Variants in FIBP observed in about 807,000 individuals in gnomAD.
FIBP encodes FGF1 intracellular binding protein.
Under a neutral mutation model 40.5 loss-of-function variants are expected in FIBP, and 29 were observed. The observed-to-expected ratio is 0.72, with a 90% CI of 0.53 to 0.98. FIBP has a LOEUF of 0.98. Among genes scored for constraint, FIBP ranks in the 50% least tolerant of loss-of-function variants. The pLI, the probability that FIBP is intolerant of heterozygous loss-of-function variation, is 0.00. For synonymous variants in FIBP, 215 were observed against 191.1 expected (o/e 1.13, Z -1.03); for missense variants, 411 against 470.2 (o/e 0.87, Z 1.16).
intron 4 of FIBP, chr11:65,886,053 C>A: frequency 2.1e-6 from 1 of 465,484 alleles, no homozygotes; most frequent in South Asian, 2.6e-5. Flanking sequence ...GCCTGTAATC[C>A]CAGCTACTCG....
intron 7 of FIBP, 76 bp downstream of exon 7, chr11:65,884,859 G>C (rs1476640106): frequency 5.8e-6 from 9 of 1,557,296 alleles, no homozygotes; most frequent in Non-Finnish European, 8.0e-6. Flanking sequence ...CCCTGGCAGG[G>C]GCAGAGCTGC....
chr11:65,886,631 C>T (rs1470006308), intron 3 of FIBP: 1 of 525,358 alleles, frequency 1.9e-6, no homozygotes, highest in East Asian at 3.1e-5. Context: ...CTGTATCTTG[C>T]CTTGGATAAA....
chr11:65,887,885 G>A lies in FIBP; in HGVS notation c.284+49C>T, dbSNP rs201315935. The A allele has an allele frequency of 3.6e-3, 5,783 of 1,597,688 alleles. 17 individuals are homozygous for A. The highest frequency in any genetic ancestry group is 4.4e-3 in the Non-Finnish European group (5,121 of 1,168,266). ...GGGCCTGTTTCAGCCGGCAAAATGG[G>A]TATACAGTCAGACTGGTTGATGTCT... On this transcript the variant is annotated intron_variant, in intron 2 of 9. Transcript: ENST00000357519.
intron 3 of FIBP, 147 bp downstream of exon 3, chr11:65,887,446 GAAAAAAA>G: frequency 1.6e-6 from 1 of 636,564 alleles, no homozygotes; most frequent in Non-Finnish European, 2.6e-6. Flanking sequence ...ACTCCATCTC[GAAAAAAA>G]AAAAAAAAAA....
At chr11:65,886,533 A>C (rs759818545) in intron 3 of FIBP, 111 bp from the exon 4 acceptor site, 39 of 719,854 alleles carry the variant, frequency 5.4e-5, no homozygotes, top group Non-Finnish European at 9.4e-5. Context: ...CTATCCAGTC[A>C]GCAGATGCTG....
In FIBP at chr11:65,885,594, C is replaced by G; in HGVS notation, c.582G>C (p.Leu194=). ...FETGKKKLQY[L]SFGDFAFCAE... is the part of the protein sequence containing the mutation. ...CGCAGAAGGCAAAGTCACCGAAGCTCAGATACTGCAGTTTTTTCTTCCCTG... is the reference window on the plus strand; with the variant it reads ...CGCAGAAGGCAAAGTCACCGAAGCTGAGATACTGCAGTTTTTTCTTCCCTG... The change falls in exon 5 of 10, where the codon CTG becomes CTC. Residue 194 remains leucine, a synonymous_variant. Coordinates refer to ENST00000357519, the MANE Select transcript of FIBP (RefSeq NM_004214.5). 6.2e-7 allele frequency: 1 copy of G among 1,614,196 alleles called. No individual in the cohort carries two copies. The highest frequency in any genetic ancestry group is 8.5e-7 in the Non-Finnish European group (1 of 1,180,012).
intron 4 of FIBP, 125 bp from the exon 5 acceptor site, chr11:65,885,788 T>C: frequency 2.1e-6 from 2 of 959,056 alleles, no homozygotes; most frequent in Middle Eastern, 2.7e-4. Context: ...CTGTGTGACG[T>C]GTCTCAAGTC....
chr11:65,885,210 G>T, intron 5 of FIBP, 24 bp from the exon 6 acceptor site: 1 of 1,350,338 alleles, frequency 7.4e-7, no homozygotes, highest in South Asian at 1.2e-5. Context: ...AAGGGGGTGG[G>T]GGTGGGTGAT....
At position 65,885,567 on chromosome 11, in the gene FIBP, A is replaced by G. The variant is rs775998701; in HGVS notation, c.609T>C (p.Ala203=). Residue 203 remains alanine (A), a synonymous_variant, in exon 5 of 10, where the codon GCT becomes GCC. Coordinates refer to ENST00000357519, the MANE Select transcript of FIBP (RefSeq NM_004214.5). ...GGGTCCAGTTTTGGATCATGAGCTC[A>G]GCGCAGAAGGCAAAGTCACCGAAGC... ...YLSFGDFAFC[A]ELMIQNWTLG... The G allele has an allele frequency of 1.2e-6, 2 of 1,614,216 alleles. No homozygotes were observed. Among genetic ancestry groups the G allele is most frequent in the East Asian group, 2.2e-5 (1 of 44,890 alleles).
In FIBP at chr11:65,884,039, G is replaced by C; in HGVS notation, c.1009C>G (p.Gln337Glu). The change falls in exon 10 of 10, where the codon CAG (glutamine) becomes GAG (glutamate). Residue 337 changes from glutamine to glutamate, a missense_variant. Gln to Glu is a conservative substitution (Grantham distance 29). Transcript: ENST00000357519. ...SVHSLDGFRH[Q>E]ALWDRYMGTL... Reference sequence around the variant, plus strand: ...CCCATGTAGCGGTCCCAGAGGGCCTGGTGTCTGTAAGAACATGAACAGTGA... The same window carrying C: ...CCCATGTAGCGGTCCCAGAGGGCCTCGTGTCTGTAAGAACATGAACAGTGA... The C allele has an allele frequency of 6.2e-7, 1 of 1,613,264 alleles. No homozygotes were observed. The highest frequency in any genetic ancestry group is 8.5e-7 in the Non-Finnish European group (1 of 1,179,624).
At position 65,888,438 on chromosome 11, in the gene FIBP, G is replaced by T; in HGVS notation, c.-20C>A. 1 of 1,549,716 alleles carries T rather than the reference G, an allele frequency of 6.5e-7. No individual in the cohort carries two copies. Among genetic ancestry groups the T allele is most frequent in the Non-Finnish European group, 8.7e-7 (1 of 1,144,960 alleles). Reference sequence around the variant, plus strand: ...GGTCATGGCGACGCCCGGGGCCGCAGCGCCCCGAGCAGGAGCGAGCACTGC... The same window carrying T: ...GGTCATGGCGACGCCCGGGGCCGCATCGCCCCGAGCAGGAGCGAGCACTGC... On this transcript the variant is annotated 5_prime_UTR_variant, in exon 1 of 10. In the 5' UTR this introduces an upstream ATG that the reference lacks. Transcript: ENST00000357519.
Position 65,887,697 on chromosome 11 carries a change from C to T in FIBP, c.314G>A (p.Arg105Gln), listed in dbSNP as rs867031814. The T allele has an allele frequency of 6.2e-7, 1 of 1,614,138 alleles. No individual in the cohort carries two copies. Among genetic ancestry groups the T allele is most frequent in the Non-Finnish European group, 8.5e-7 (1 of 1,180,038 alleles). ...RYYAFDEAFVREVLGKKLSKG... is the reference protein window; with the variant it reads ...RYYAFDEAFVQEVLGKKLSKG... ...GGACAGCTTCTTGCCCAGCACCTCC[C>T]GAACAAAGGCCTCATCAAAGGCATA... Residue 105 changes from arginine to glutamine, a missense_variant, in exon 3 of 10, where the codon CGG (arginine) becomes CAG (glutamine). Arg to Gln is a conservative substitution (Grantham distance 43). Transcript: ENST00000357519.
Position 65,884,050 on chromosome 11 carries a change from G to A in FIBP, c.1005-7C>T, listed in dbSNP as rs1287139217. On this transcript the variant is annotated splice_region_variant and splice_polypyrimidine_tract_variant and intron_variant, in intron 9 of 9. Coordinates refer to ENST00000357519, the MANE Select transcript of FIBP (RefSeq NM_004214.5). ...GTCCCAGAGGGCCTGGTGTCTGTAA[G>A]AACATGAACAGTGACAGCTGAGTTT... 2.5e-6 allele frequency: 4 copies of A among 1,611,986 alleles called. No homozygotes were observed. In the African/African-American group the frequency reaches 4.0e-5, roughly 16 times the overall value.
Position 65,884,030 on chromosome 11 carries a change from A to T in FIBP, c.1018T>A (p.Trp340Arg). ...CGGAGGGTGCCCATGTAGCGGTCCC[A>T]GAGGGCCTGGTGTCTGTAAGAACAT... ...SLDGFRHQAL[W>R]DRYMGTLRGC... Residue 340 changes from tryptophan to arginine, a missense_variant, in exon 10 of 10, where the codon TGG becomes AGG. Trp to Arg is a moderately radical substitution (Grantham distance 101, BLOSUM62 -3). Coordinates refer to ENST00000357519, the MANE Select transcript of FIBP (RefSeq NM_004214.5). 1 of 1,613,756 alleles carries T rather than the reference A, an allele frequency of 6.2e-7. No individual in the cohort carries two copies. The highest frequency in any genetic ancestry group is 1.1e-5 in the South Asian group (1 of 90,914).
At position 65,884,403 on chromosome 11, in the gene FIBP, G is replaced by A. The variant is rs116618583; in HGVS notation, c.993C>T (p.Leu331=). The A allele has an allele frequency of 2.2e-5, 35 of 1,613,966 alleles. No homozygotes were observed. The highest frequency in any genetic ancestry group is 4.0e-5 in the African/African-American group (3 of 75,014). ...ACAGGGCTGCTCACCGGAAGCCATCGAGGGAGTGGACAGACGCTGAATACT... is the reference window on the plus strand; with the variant it reads ...ACAGGGCTGCTCACCGGAAGCCATCAAGGGAGTGGACAGACGCTGAATACT... ...LNQYSASVHS[L]DGFRHQALWD... The change falls in exon 9 of 10, where the codon CTC becomes CTT. Residue 331 remains leucine, a synonymous_variant. Transcript: ENST00000357519.
chr11:65,887,544 A>C, intron 3 of FIBP, 56 bp downstream of exon 3: 1 of 1,602,394 alleles, frequency 6.2e-7, no homozygotes, highest in Non-Finnish European at 8.5e-7. Context: ...CCAGTGGCCA[A>C]AGGGAGGGAG....
intron 7 of FIBP, 135 bp from the exon 8 acceptor site, chr11:65,884,791 A>G (rs975058055): frequency 1.4e-5 from 19 of 1,313,360 alleles, no homozygotes; most frequent in Non-Finnish European, 2.0e-5. Flanking sequence ...CCCATTGTTT[A>G]TGAGCTGCTC....
intron 4 of FIBP, chr11:65,886,035 T>C (rs924195931): frequency 8.7e-6 from 4 of 459,694 alleles, no homozygotes; most frequent in African/African-American, 7.9e-5. Flanking sequence ...CTGGGTGCGG[T>C]GGCTCAAGCC....
intron 3 of FIBP, chr11:65,887,100 T>G (rs1168004801): frequency 4.5e-6 from 1 of 222,690 alleles, no homozygotes; most frequent in African/African-American, 2.3e-5. Context: ...CTGATAAAAT[T>G]TCAGGTCATT....
Sources: allele counts gnomAD v4.1 joint callset, GRCh38; gene constraint gnomAD v4.1.1; transcripts MANE v1.5; gene names NCBI Gene and HGNC (gene_info 2026-07-23, HGNC 2026-07-21).